The following YAP1 variants were observed in gnomAD, a reference collection of about 807,000 sequenced individuals.
YAP1 encodes transcriptional coactivator YAP1.
In YAP1, 5 loss-of-function variants were observed where a neutral mutation model predicts 56.9. That is an observed-to-expected ratio of 0.09 (90% confidence interval 0.05 to 0.18). YAP1 has a LOEUF of 0.18. Among genes scored for constraint, YAP1 ranks in the 10% least tolerant of loss-of-function variants. The pLI is 1.00. For synonymous variants in YAP1, 265 were observed against 248.1 expected, an observed-to-expected ratio of 1.07 and a Z score of -0.64; for missense variants, 539 against 651.8, an observed-to-expected ratio of 0.83 and a Z score of 1.88.
At chr11:102,212,249 G>A (rs1949438469) in intron 6 of YAP1, among the ~76,000 whole-genome samples, 2 of 152,204 alleles carry the variant, frequency 1.3e-5, no homozygotes, top group Non-Finnish European at 2.9e-5. Context: ...CTCATATGCT[G>A]TGGGATGTGG....
Position 102,231,875 on chromosome 11 carries a change from A to T in YAP1, c.*1935A>T, listed in dbSNP as rs552964413. The T allele has an allele frequency of 2.6e-5, 4 of 152,708 alleles. No individual in the cohort carries two copies. The highest frequency in any genetic ancestry group is 9.6e-5 in the African/African-American group (4 of 41,562). 9.5% of individuals were successfully genotyped at this position (152,708 alleles called of 1,614,324 possible). On this transcript the variant is annotated 3_prime_UTR_variant, in exon 9 of 9. Coordinates refer to ENST00000282441, the MANE Select transcript of YAP1 (RefSeq NM_001130145.3). ...AAAATCTAAGTATTTTGGCCCTTCA[A>T]TTTGGAGGAGGGCAAAAGTTGGAAG...
intron 2 of YAP1, among the ~76,000 whole-genome samples, chr11:102,157,371 G>T (rs947086006): frequency 6.6e-6 from 1 of 152,140 alleles, no homozygotes; most frequent in East Asian, 1.9e-4. Context: ...TCAGTTAAGC[G>T]TGTAGGTTTA....
chr11:102,223,876 A>G, intron 7 of YAP1, 124 bp downstream of exon 7: 3 of 1,271,468 alleles, frequency 2.4e-6, no homozygotes, highest in Middle Eastern at 1.9e-4. Flanking sequence ...CTGTAAATGA[A>G]TCTCTCTGTA....
chr11:102,131,904 G>A (rs1944386276), intron 2 of YAP1, among the ~76,000 whole-genome samples: 1 of 152,112 alleles, frequency 6.6e-6, no homozygotes, highest in African/African-American at 2.4e-5. Context: ...AAGAAATTCT[G>A]TTGTAAAAGT....
chr11:102,134,623 G>A (rs2135251759), intron 2 of YAP1, among the ~76,000 whole-genome samples: 1 of 151,844 alleles, frequency 6.6e-6, no homozygotes, highest in African/African-American at 2.4e-5. Flanking sequence ...AGAGAATATT[G>A]CTAGTTCCTT....
chr11:102,113,890 T>C (rs969923953), intron 1 of YAP1, among the ~76,000 whole-genome samples: 27 of 152,122 alleles, frequency 1.8e-4, no homozygotes, highest in African/African-American at 6.3e-4. Context: ...ACATGTCTAG[T>C]GTGGACCAGG....
At chr11:102,150,268 G>A (rs1043745310) in intron 2 of YAP1, among the ~76,000 whole-genome samples, 2 of 152,100 alleles carry the variant, frequency 1.3e-5, no homozygotes, top group Non-Finnish European at 2.9e-5. Context: ...ACAGGTGTGA[G>A]CCACTGCGCC....
intron 3 of YAP1, among the ~76,000 whole-genome samples, chr11:102,177,769 T>C (rs756270627): frequency 6.6e-6 from 1 of 151,482 alleles, no homozygotes; most frequent in South Asian, 2.1e-4. Flanking sequence ...TGGGAACATA[T>C]CTTGTGAAGT....
At chr11:102,156,647 A>T (rs145018540) in intron 2 of YAP1, among the ~76,000 whole-genome samples, 3 of 152,330 alleles carry the variant, frequency 2.0e-5, no homozygotes, top group African/African-American at 7.2e-5. Context: ...ATATCATGAA[A>T]TCAGGACAAA....
chr11:102,132,731 A>G (rs564281639), intron 2 of YAP1, among the ~76,000 whole-genome samples: 27 of 152,364 alleles, frequency 1.8e-4, no homozygotes, highest in African/African-American at 6.0e-4. Context: ...CAATAAATTT[A>G]TTAGAATTGT....
At chr11:102,148,284 C>T (rs545414093) in intron 2 of YAP1, among the ~76,000 whole-genome samples, 1 of 152,242 alleles carries the variant, frequency 6.6e-6, no homozygotes, top group African/African-American at 2.4e-5. Context: ...CACATGGTTT[C>T]AAGGCTTTGG....
intron 3 of YAP1, among the ~76,000 whole-genome samples, chr11:102,185,455 A>C (rs1309113768): frequency 6.6e-6 from 1 of 152,152 alleles, no homozygotes; most frequent in Non-Finnish European, 1.5e-5. Flanking sequence ...GTCTGCTGAA[A>C]AATAAGCTTT....
chr11:102,132,992 T>C (rs2135241689), intron 2 of YAP1, among the ~76,000 whole-genome samples: 1 of 152,190 alleles, frequency 6.6e-6, no homozygotes, highest in South Asian at 2.1e-4. Flanking sequence ...ACCCCGTCTC[T>C]ACTAAAAATA....
chr11:102,159,723 T>C (rs1465238428), intron 2 of YAP1, among the ~76,000 whole-genome samples: 1 of 152,186 alleles, frequency 6.6e-6, no homozygotes, highest in African/African-American at 2.4e-5. Flanking sequence ...AGTCCCACTT[T>C]ATTGAAGGTA....
Position 102,204,211 on chromosome 11 carries a change from T to C in YAP1, c.803-1682T>C, listed in dbSNP as rs926797117. Among the ~76,000 whole-genome samples, 12 of 129,118 alleles carry C rather than the reference T, an allele frequency of 9.3e-5. No individual in the cohort carries two copies. In the East Asian group the frequency reaches 2.3e-3, roughly 24 times the overall value. The allele number at this position is 129,118 out of a possible 152,430, so 84.7% of individuals were successfully genotyped here. ...GCATTTGAGACCAGCCTAGGCAACA[T>C]AGTAAGACAGAAAAGGGGAAAAAAA... On this transcript the variant is annotated intron_variant, in intron 4 of 8. Transcript: ENST00000282441.
chr11:102,231,517 AATAGAG>A lies in YAP1; in HGVS notation c.*1581_*1586del, dbSNP rs987517060. 1.3e-5 allele frequency: 2 copies of A among 152,656 alleles called. No individual in the cohort carries two copies. The highest frequency in any genetic ancestry group is 2.1e-4 in the South Asian group (1 of 4,836). 9.5% of individuals were successfully genotyped at this position (152,656 alleles called of 1,614,324 possible). On this transcript the variant is annotated 3_prime_UTR_variant, in exon 9 of 9. Coordinates refer to ENST00000282441, the MANE Select transcript of YAP1 (RefSeq NM_001130145.3). ...TATTGGTAGTTGAATTTAGCAAAGA[AATAGAG>A]ATAATCATGATTATACCTTTATTTT...
chr11:102,164,205 T>C (rs1027830577), intron 3 of YAP1, among the ~76,000 whole-genome samples: 2 of 152,048 alleles, frequency 1.3e-5, no homozygotes, highest in Admixed American at 1.3e-4. Context: ...CAGCTAATTT[T>C]TGTATTTGTA....
At chr11:102,201,786 A>G (rs1441322687) in intron 4 of YAP1, among the ~76,000 whole-genome samples, 1 of 152,138 alleles carries the variant, frequency 6.6e-6, no homozygotes, top group Non-Finnish European at 1.5e-5. Flanking sequence ...GGAGAGTACC[A>G]CCTAGAAACA....
At chr11:102,222,942 C>G (rs1185945523) in intron 6 of YAP1, among the ~76,000 whole-genome samples, 1 of 151,642 alleles carries the variant, frequency 6.6e-6, no homozygotes, top group East Asian at 1.9e-4. Flanking sequence ...TAAAAGCAAA[C>G]TTTAAGAATT....
Sources: allele counts gnomAD v4.1 joint callset (sites outside exome capture counted in the v4.1 genomes callset), GRCh38; gene constraint gnomAD v4.1.1; transcripts MANE v1.5; gene names NCBI Gene and HGNC (gene_info 2026-07-23, HGNC 2026-07-21).